The following ERCC6 variants were observed in gnomAD, a reference collection of about 807,000 sequenced individuals.
ERCC6 encodes DNA excision repair protein ERCC-6.
In ERCC6, 116 loss-of-function variants were observed where a neutral mutation model predicts 158.7. That is an observed-to-expected ratio of 0.73 (90% CI 0.63 to 0.85). The LOEUF (loss-of-function observed/expected upper bound fraction) is 0.85. Ranked by LOEUF, ERCC6 falls within the 40% of genes least tolerant of loss-of-function variation. ERCC6 has a pLI of 0.00. For missense variants in ERCC6, 1,698 were observed against 1,799.4 expected, an observed-to-expected ratio of 0.94 and a Z score of 1.02; for synonymous variants, 678 against 659.3, an observed-to-expected ratio of 1.03 and a Z score of -0.43.
intron 11 of ERCC6, 28 bp from the exon 12 acceptor site, chr10:49,476,338 T>C (rs1475775324): frequency 1.3e-6 from 2 of 1,491,874 alleles, no homozygotes; most frequent in Non-Finnish European, 1.9e-6. Context: ...AAGGAAACTA[T>C]AATTTCAAAA....
At chr10:49,516,255 C>G (rs1261777185) in intron 5 of ERCC6, 1 of 1,613,996 alleles carries the variant, frequency 6.2e-7, no homozygotes, top group Admixed American at 1.7e-5. Context: ...GGGCTTTCCC[C>G]GAATAAATTG....
intron 18 of ERCC6, among the ~76,000 whole-genome samples, chr10:49,463,242 G>GT (rs1180679130): frequency 7.2e-5 from 11 of 152,236 alleles, no homozygotes; most frequent in Admixed American, 7.2e-4. Context: ...AATATAATAC[G>GT]TTTATCAATT....
At chr10:49,524,976 C>T in intron 4 of ERCC6, 199 bp from the exon 5 acceptor site, 1 of 1,356,848 alleles carries the variant, frequency 7.4e-7, no homozygotes, top group Non-Finnish European at 9.7e-7. Context: ...TATTCCTGTT[C>T]AAAAAGACAA....
Position 49,532,786 on chromosome 10 carries a change from CCCA to C in ERCC6, c.176_178del (p.Val59del). 1 of 1,614,230 alleles carries C rather than the reference CCCA, an allele frequency of 6.2e-7. No homozygotes were observed. Among genetic ancestry groups the C allele is most frequent in the Non-Finnish European group, 8.5e-7 (1 of 1,180,046 alleles). ...TCTCCTCGGAGCTGCTGATGCGCAC[CCCA>C]CAGCAGAGGTGGACAGCCCGTCACC... On this transcript the variant is annotated inframe_deletion, in exon 2 of 21. Transcript: ENST00000355832.
intron 18 of ERCC6, among the ~76,000 whole-genome samples, chr10:49,466,515 T>C (rs1169910675): frequency 3.3e-5 from 5 of 152,224 alleles, no homozygotes; most frequent in African/African-American, 1.2e-4. Flanking sequence ...ACTGCTAAAG[T>C]ACAGTATTTG....
the ERCC6 span, among the ~76,000 whole-genome samples, chr10:49,442,361 G>A: frequency 2.0e-5 from 3 of 152,196 alleles, no homozygotes; most frequent in Admixed American, 6.5e-5. Context: ...AAGGCACAGG[G>A]CACCGAATTC....
At chr10:49,522,015 A>G (rs1252387602) in intron 5 of ERCC6, among the ~76,000 whole-genome samples, 2 of 152,184 alleles carry the variant, frequency 1.3e-5, no homozygotes, top group Non-Finnish European at 1.5e-5. Context: ...AGAGCATTAT[A>G]ATTAACAGGC....
rs150277901 is a variant in ERCC6 at position 49,459,202 on chromosome 10, A to T, written c.4095T>A (p.Asn1365Lys). The T allele has an allele frequency of 1.1e-4, 178 of 1,614,188 alleles. 1 individual carries two copies. The African/African-American group carries it at 2.2e-3, about 20-fold the overall frequency. Residue 1365 changes from asparagine to lysine, a missense_variant, in exon 21 of 21, where the codon AAT (asparagine) becomes AAA (lysine). Physicochemically the swap from Asn to Lys is moderately conservative, Grantham distance 94. Coordinates refer to ENST00000355832, the MANE Select transcript of ERCC6 (RefSeq NM_000124.4). The part of the protein sequence containing the change: ...DGIMKKEGKD[N>K]VPEHFSGRAE... Reference sequence around the variant, plus strand: ...CTCTTCCACTAAAATGCTCAGGGACATTATCTTTTCCCTCCTTTTTCATGA... The same window carrying T: ...CTCTTCCACTAAAATGCTCAGGGACTTTATCTTTTCCCTCCTTTTTCATGA...
downstream of ERCC6, among the ~76,000 whole-genome samples, chr10:49,452,881 G>C (rs1850435677): frequency 6.6e-6 from 1 of 152,086 alleles, no homozygotes; most frequent in Non-Finnish European, 1.5e-5. Context: ...AGTATAGCCA[G>C]TCCAGCTTTC....
chr10:49,503,844 T>C (rs1335902288), intron 6 of ERCC6: 1 of 152,208 alleles, frequency 6.6e-6, no homozygotes, highest in Admixed American at 6.5e-5. Flanking sequence ...CCCTTGAGAC[T>C]GAGGCATCAC....
At chr10:49,437,690 G>T in the ERCC6 span, among the ~76,000 whole-genome samples, 1 of 152,110 alleles carries the variant, frequency 6.6e-6, no homozygotes, top group Non-Finnish European at 1.5e-5. Context: ...TGGCTTATCT[G>T]GTTCTGAGCA....
At chr10:49,445,163 A>G in the ERCC6 span, among the ~76,000 whole-genome samples, 1 of 152,226 alleles carries the variant, frequency 6.6e-6, no homozygotes, top group East Asian at 1.9e-4. Flanking sequence ...AATGAAAACT[A>G]TTTGTAAGCT....
chr10:49,452,272 C>T (rs1163582227), downstream of ERCC6, among the ~76,000 whole-genome samples: 5 of 152,024 alleles, frequency 3.3e-5, no homozygotes, highest in East Asian at 3.9e-4. Context: ...TAGCTGCATC[C>T]GTACAGTTTA....
intron 5 of ERCC6, among the ~76,000 whole-genome samples, chr10:49,512,940 T>C (rs1371129226): frequency 1.3e-5 from 2 of 152,236 alleles, no homozygotes; most frequent in Non-Finnish European, 2.9e-5. Context: ...ATTGTTAAAC[T>C]GCCTTTACTT....
At chr10:49,487,479 G>A (rs1194980457) in intron 8 of ERCC6, among the ~76,000 whole-genome samples, 1 of 152,102 alleles carries the variant, frequency 6.6e-6, no homozygotes, top group Non-Finnish European at 1.5e-5. Flanking sequence ...AAAAACACAC[G>A]TACGGGTTCC....
intron 6 of ERCC6, chr10:49,504,361 T>G (rs1432826497): frequency 6.6e-6 from 1 of 152,164 alleles, no homozygotes; most frequent in East Asian, 1.9e-4. Flanking sequence ...AAAACGAATA[T>G]TATTTATATT....
chr10:49,490,012 A>G (rs774988483), intron 8 of ERCC6, among the ~76,000 whole-genome samples: 2 of 152,214 alleles, frequency 1.3e-5, no homozygotes, highest in African/African-American at 4.8e-5. Context: ...AAGTTGCTCT[A>G]TATTAGAAAA....
At chr10:49,478,305 G>T in intron 11 of ERCC6, 49 bp downstream of exon 11, 1 of 1,195,218 alleles carries the variant, frequency 8.4e-7, no homozygotes, top group Non-Finnish European at 1.3e-6. Context: ...TGAAGGGAAA[G>T]ACACACTTGT....
At chr10:49,525,940 T>C (rs1181257661) in intron 4 of ERCC6, among the ~76,000 whole-genome samples, 8 of 151,792 alleles carry the variant, frequency 5.3e-5, no homozygotes, top group African/African-American at 1.9e-4. Context: ...CACCCAACAT[T>C]ATGCTTTTGA....
Sources: gnomAD v4.1 joint callset for allele counts (sites outside exome capture counted in the v4.1 genomes callset) on GRCh38, gnomAD v4.1.1 for gene constraint, MANE v1.5 for transcripts, NCBI Gene and HGNC (gene_info 2026-07-23, HGNC 2026-07-21) for gene names.